Variants in GRM1 observed in about 807,000 individuals in gnomAD.
GRM1 encodes the protein glutamate metabotropic receptor 1, also known as metabotropic glutamate receptor 1.
In GRM1, 33 loss-of-function variants were observed where a neutral mutation model predicts 90.9. The observed-to-expected ratio is 0.36, with a 90% CI of 0.28 to 0.49. The LOEUF (loss-of-function observed/expected upper bound fraction) is 0.49, where lower values mean the gene tolerates loss of function less well. Ranked by LOEUF, GRM1 falls within the 20% of genes least tolerant of loss-of-function variation. GRM1 has a pLI of 0.99. For missense variants in GRM1, 1,190 were observed against 1,534.3 expected (o/e 0.78, Z 3.75); for synonymous variants, 700 against 613.2 (o/e 1.14, Z -2.09).
At chr6:146,067,061 T>G (rs565533131) in intron 1 of GRM1, among the ~76,000 whole-genome samples, 1 of 152,352 alleles carries the variant, frequency 6.6e-6, no homozygotes, top group South Asian at 2.1e-4. Flanking sequence ...GAAACATAGC[T>G]AATTCTCAAA....
At chr6:146,095,985 A>G (rs1174574774) in intron 1 of GRM1, among the ~76,000 whole-genome samples, 5 of 151,998 alleles carry the variant, frequency 3.3e-5, no homozygotes, top group African/African-American at 1.2e-4. Flanking sequence ...CTTTCCTGAC[A>G]ATATTTTGAC....
At chr6:146,066,350 T>C (rs913903127) in intron 1 of GRM1, among the ~76,000 whole-genome samples, 1 of 152,222 alleles carries the variant, frequency 6.6e-6, no homozygotes, top group Admixed American at 6.5e-5. Context: ...CGTTAGTTCA[T>C]GTAGGATAAT....
intron 1 of GRM1, among the ~76,000 whole-genome samples, chr6:146,134,411 C>T: frequency 6.6e-6 from 1 of 152,158 alleles, no homozygotes; most frequent in East Asian, 1.9e-4. Context: ...CGTTCTCATG[C>T]TGCTAGTAAA....
intron 1 of GRM1, among the ~76,000 whole-genome samples, chr6:146,153,623 T>A (rs1317703295): frequency 6.6e-6 from 1 of 152,098 alleles, no homozygotes; most frequent in Non-Finnish European, 1.5e-5. Flanking sequence ...CAGCACACAC[T>A]AGGGCCTGTC....
intron 2 of GRM1, among the ~76,000 whole-genome samples, chr6:146,258,801 G>A (rs900233861): frequency 4.6e-5 from 7 of 152,126 alleles, no homozygotes; most frequent in Non-Finnish European, 1.0e-4. Flanking sequence ...GAGATCACTG[G>A]AACCAAATAG....
At chr6:146,361,839 C>A (rs1020880374) in intron 5 of GRM1, among the ~76,000 whole-genome samples, 2 of 152,172 alleles carry the variant, frequency 1.3e-5, no homozygotes, top group African/African-American at 2.4e-5. Context: ...GGCACATTTC[C>A]TTCAAATGCA....
chr6:146,397,325 T>C (rs1256982538), intron 6 of GRM1, among the ~76,000 whole-genome samples: 2 of 151,238 alleles, frequency 1.3e-5, no homozygotes, highest in African/African-American at 2.4e-5. Context: ...ATACAAAAAA[T>C]TAGCCGGGCA....
intron 1 of GRM1, among the ~76,000 whole-genome samples, chr6:146,032,831 C>G (rs1047464377): frequency 3.3e-5 from 5 of 152,128 alleles, no homozygotes; most frequent in Admixed American, 1.3e-4. Context: ...AGTGACTGGA[C>G]TAGTGTACCT....
intron 1 of GRM1, among the ~76,000 whole-genome samples, chr6:146,083,497 G>GT (rs372478878): frequency 3.3e-4 from 50 of 152,260 alleles, no homozygotes; most frequent in African/African-American, 1.1e-3. Context: ...TAATCATGTG[G>GT]TTTTTGTCAT....
intron 1 of GRM1, among the ~76,000 whole-genome samples, chr6:146,118,361 G>A (rs1775845514): frequency 6.6e-6 from 1 of 152,030 alleles, no homozygotes; most frequent in African/African-American, 2.4e-5. Flanking sequence ...GGATGGCCTG[G>A]ATCTCCTGAT....
At chr6:146,232,804 G>T (rs1387877202) in intron 2 of GRM1, among the ~76,000 whole-genome samples, 1 of 151,840 alleles carries the variant, frequency 6.6e-6, no homozygotes, top group Non-Finnish European at 1.5e-5. Context: ...GATGTACTGG[G>T]GGTTGGGACT....
intron 2 of GRM1, among the ~76,000 whole-genome samples, chr6:146,213,684 T>TTAGATAGA (rs750265154): frequency 0.016 from 2,336 of 146,404 alleles, 34 homozygotes; most frequent in East Asian, 0.043. Flanking sequence ...GATGGAAAGA[T>TTAGATAGA]TAGATAGATA....
chr6:146,108,262 C>T (rs560210208), intron 1 of GRM1, among the ~76,000 whole-genome samples: 1 of 152,278 alleles, frequency 6.6e-6, no homozygotes, highest in African/African-American at 2.4e-5. Context: ...ATTATATGGT[C>T]TTGCTGTGTC....
intron 1 of GRM1, among the ~76,000 whole-genome samples, chr6:146,084,608 G>C (rs1776480073): frequency 6.6e-6 from 1 of 152,074 alleles, no homozygotes; most frequent in Non-Finnish European, 1.5e-5. Flanking sequence ...GGGATTGTTT[G>C]TTGTGATTTC....
At chr6:146,121,430 A>C (rs569250664) in intron 1 of GRM1, among the ~76,000 whole-genome samples, 1 of 151,540 alleles carries the variant, frequency 6.6e-6, no homozygotes, top group Non-Finnish European at 1.5e-5. Context: ...TTGTGTCTCT[A>C]TCTCCTTCAG....
intron 1 of GRM1, among the ~76,000 whole-genome samples, chr6:146,093,060 C>T (rs1176244750): frequency 6.6e-6 from 1 of 152,072 alleles, no homozygotes; most frequent in Non-Finnish European, 1.5e-5. Flanking sequence ...GTATTATTCT[C>T]TAAGTTTTAG....
chr6:146,330,505 G>A (rs371216031), intron 3 of GRM1, among the ~76,000 whole-genome samples: 1 of 151,998 alleles, frequency 6.6e-6, no homozygotes, highest in East Asian at 1.9e-4. Context: ...ATGTTATAGA[G>A]ATATTTTTGA....
intron 2 of GRM1, among the ~76,000 whole-genome samples, chr6:146,219,083 T>C (rs1779969243): frequency 6.6e-6 from 1 of 152,214 alleles, no homozygotes; most frequent in Non-Finnish European, 1.5e-5. Context: ...TTTTAAAAGC[T>C]TTAGATTTTC....
chr6:146,432,329 T>C (rs1778443223), intron 7 of GRM1, among the ~76,000 whole-genome samples: 1 of 152,204 alleles, frequency 6.6e-6, no homozygotes, highest in African/African-American at 2.4e-5. Context: ...CTATAATCAA[T>C]ATCAGACATT....
Sources: gnomAD v4.1 joint callset for allele counts (sites outside exome capture counted in the v4.1 genomes callset) on GRCh38, gnomAD v4.1.1 for gene constraint, MANE v1.5 for transcripts, NCBI Gene and HGNC (gene_info 2026-07-23, HGNC 2026-07-21) for gene names.